The following DENND4A variants were observed in gnomAD, a reference collection of about 807,000 sequenced individuals.
DENND4A encodes the protein DENN domain containing 4A, also known as C-myc promoter-binding protein.
Under a neutral mutation model 199.3 loss-of-function variants are expected in DENND4A, and 70 were observed. That is an observed-to-expected ratio of 0.35 (90% CI 0.29 to 0.43). The LOEUF (loss-of-function observed/expected upper bound fraction) is 0.43, where lower values mean the gene tolerates loss of function less well. DENND4A is among the 20% of genes least tolerant of loss of function. DENND4A has a pLI of 1.00. For synonymous variants in DENND4A, 686 were observed against 766.9 expected (o/e 0.89, Z 1.74); for missense variants, 1,723 against 2,255.8 (o/e 0.76, Z 4.78).
At position 65,756,290 on chromosome 15, in the gene DENND4A, G is replaced by A. The variant is rs1467015475; in HGVS notation, c.161C>T (p.Ser54Phe). Residue 54 changes from serine to phenylalanine, a missense_variant, in exon 3 of 33, where the codon TCT (serine) becomes TTT (phenylalanine). By Grantham distance (155) the Ser-to-Phe change is radical (BLOSUM62 -2). This residue lies in a region of DENND4A where 725 missense variants were observed against 952.9 expected (regional missense o/e 0.76). Transcript: ENST00000443035. The part of the protein sequence containing the change: ...PITDVSVIIK[S>F]LGEEVPQDYI... ...ATCCTGTGGGACTTCCTCCCCAAGA[G>A]ATTTGATAATAACTGAAACATCTGT... is the stretch of plus-strand genomic sequence containing the variant. The A allele has an allele frequency of 6.2e-7, 1 of 1,613,354 alleles. No homozygotes were observed. Among genetic ancestry groups the A allele is most frequent in the Non-Finnish European group, 8.5e-7 (1 of 1,179,662 alleles).
At chr15:65,701,262 T>A in intron 18 of DENND4A, 70 bp from the exon 19 acceptor site, 1 of 1,306,104 alleles carries the variant, frequency 7.7e-7, no homozygotes, top group Non-Finnish European at 1.0e-6. Flanking sequence ...GGTTTCAGAA[T>A]TAAGCTAAAG....
intron 1 of DENND4A, among the ~76,000 whole-genome samples, chr15:65,774,395 CAGG>C (rs545078623): frequency 9.8e-4 from 150 of 152,344 alleles, no homozygotes; most frequent in African/African-American, 3.5e-3. Flanking sequence ...AAGGCTGAGG[CAGG>C]AGAATAGCTT....
chr15:65,778,220 T>C (rs1410008022), intron 1 of DENND4A, among the ~76,000 whole-genome samples: 1 of 152,092 alleles, frequency 6.6e-6, no homozygotes, highest in African/African-American at 2.4e-5. Flanking sequence ...TAATAGGGAA[T>C]TTCTTAGACT....
chr15:65,756,976 G>A (rs1663395161), intron 2 of DENND4A, among the ~76,000 whole-genome samples: 1 of 152,192 alleles, frequency 6.6e-6, no homozygotes, highest in African/African-American at 2.4e-5. Context: ...AGCTGAGGTT[G>A]CAGTGAGCCG....
intron 25 of DENND4A, 87 bp downstream of exon 25, chr15:65,671,705 T>C (rs926157402): frequency 7.1e-6 from 7 of 981,752 alleles, no homozygotes; most frequent in African/African-American, 3.2e-5. Context: ...ATTTAACTTC[T>C]ATTACTCTAC....
chr15:65,768,695 C>T (rs1207432808), intron 1 of DENND4A, among the ~76,000 whole-genome samples: 1 of 151,892 alleles, frequency 6.6e-6, no homozygotes, highest in Admixed American at 6.6e-5. Context: ...TAAGAATACA[C>T]AATTTTGCCA....
At chr15:65,753,435 T>C (rs2076617534) in intron 3 of DENND4A, among the ~76,000 whole-genome samples, 1 of 152,180 alleles carries the variant, frequency 6.6e-6, no homozygotes, top group South Asian at 2.1e-4. Context: ...CTCAGCTCAC[T>C]GCAACCTCTG....
At chr15:65,772,552 C>G (rs946646013) in intron 1 of DENND4A, among the ~76,000 whole-genome samples, 2 of 151,222 alleles carry the variant, frequency 1.3e-5, no homozygotes, top group Non-Finnish European at 3.0e-5. Context: ...ACTAAAAATA[C>G]AAAAATTAGC....
chr15:65,707,019 C>A (rs1206626122), intron 14 of DENND4A, among the ~76,000 whole-genome samples: 1 of 152,022 alleles, frequency 6.6e-6, no homozygotes, highest in Non-Finnish European at 1.5e-5. Context: ...ACATGTGTGT[C>A]TGTGTGATAA....
In DENND4A at chr15:65,715,574, C is replaced by A. The variant is rs1379390363; in HGVS notation, c.1857G>T (p.Met619Ile). The A allele has an allele frequency of 1.3e-6, 2 of 1,598,750 alleles. No individual in the cohort carries two copies. Among genetic ancestry groups the A allele is most frequent in the South Asian group, 1.1e-5 (1 of 88,046 alleles). The change falls in exon 14 of 33, where the codon ATG (methionine) becomes ATT (isoleucine). Residue 619 changes from methionine to isoleucine, a missense_variant. Transcript: ENST00000443035. ...DRSHQKFYNM[M>I]TKTQMFIRFI... The stretch of plus-strand genomic sequence containing the variant: ...AGCGAATAAACATTTGTGTTTTGGT[C>A]ATCATGTTATAGAATTTTTGATGTG...
In DENND4A at chr15:65,690,481, T is replaced by C. The variant is rs1596447367; in HGVS notation, c.4113A>G (p.Gly1371=). The change falls in exon 23 of 33, where the codon GGA becomes GGG. Residue 1371 remains glycine (G), a synonymous_variant. Coordinates refer to ENST00000443035, the MANE Select transcript of DENND4A (RefSeq NM_001320835.1). ...TGCTTGCTTTCTCTGCAACTCCTTT[T>C]CCAGCAGTGAACATACTGTTTCTTA... ...DVLRNSMFTA[G]KGVAEKASKW... is the part of the protein sequence containing the mutation. 6.2e-7 allele frequency: 1 copy of C among 1,610,610 alleles called. No individual in the cohort carries two copies. Among genetic ancestry groups the C allele is most frequent in the Non-Finnish European group, 8.5e-7 (1 of 1,178,450 alleles).
At chr15:65,737,971 A>G in intron 6 of DENND4A, 26 bp from the exon 7 acceptor site, 1 of 1,540,574 alleles carries the variant, frequency 6.5e-7, no homozygotes, top group Admixed American at 2.0e-5. Context: ...TATATCCAGT[A>G]AATATACTTT....
intron 13 of DENND4A, among the ~76,000 whole-genome samples, chr15:65,716,301 T>G (rs2075398096): frequency 6.6e-6 from 1 of 151,848 alleles, no homozygotes; most frequent in Admixed American, 6.6e-5. Context: ...ATGTGCAGGT[T>G]TGTTACATAT....
At chr15:65,776,785 C>A (rs1032869920) in intron 1 of DENND4A, among the ~76,000 whole-genome samples, 1 of 152,148 alleles carries the variant, frequency 6.6e-6, no homozygotes, top group African/African-American at 2.4e-5. Flanking sequence ...TGTCCATCCA[C>A]GTGCAGTGGT....
Position 65,691,421 on chromosome 15 carries a change from T to C in DENND4A, c.3173A>G (p.Lys1058Arg), listed in dbSNP as rs925861675. 6.2e-7 allele frequency: 1 copy of C among 1,613,576 alleles called. No homozygotes were observed. The highest frequency in any genetic ancestry group is 8.5e-7 in the Non-Finnish European group (1 of 1,179,708). ...CTGCAAATTAGTTTCATTGTCACTT[T>C]TATGTCTTTTCCTGAAGCATCTACT... is the stretch of plus-strand genomic sequence containing the variant. The part of the protein sequence containing the change: ...IQSRCFRKRH[K>R]SDNETNLQQQ... The change falls in exon 23 of 33, where the codon AAA becomes AGA. Residue 1058 changes from lysine (K) to arginine (R), a missense_variant. Physicochemically the swap from Lys to Arg is conservative, Grantham distance 26. Transcript: ENST00000443035.
At chr15:65,739,861 A>G (rs141472528) in intron 5 of DENND4A, among the ~76,000 whole-genome samples, 102 of 152,272 alleles carry the variant, frequency 6.7e-4, no homozygotes, top group Admixed American at 3.1e-3. Flanking sequence ...GGTAATTAAT[A>G]AAGTCATAAA....
chr15:65,738,184 TA>T (rs1349123024), intron 6 of DENND4A, among the ~76,000 whole-genome samples: 7 of 152,162 alleles, frequency 4.6e-5, no homozygotes, highest in Non-Finnish European at 1.0e-4. Flanking sequence ...ATTTGTTTTA[TA>T]AAGAGTGGAA....
At chr15:65,775,177 CTA>C (rs2077249284) in intron 1 of DENND4A, among the ~76,000 whole-genome samples, 1 of 151,626 alleles carries the variant, frequency 6.6e-6, no homozygotes, top group Non-Finnish European at 1.5e-5. Flanking sequence ...GACCCCATCT[CTA>C]CAAAAAAATT....
At chr15:65,768,254 T>C (rs557852955) in intron 1 of DENND4A, among the ~76,000 whole-genome samples, 1 of 152,166 alleles carries the variant, frequency 6.6e-6, no homozygotes, top group African/African-American at 2.4e-5. Context: ...TGGGCTCAAG[T>C]GATCTGCCCG....
Sources: allele counts gnomAD v4.1 joint callset (sites outside exome capture counted in the v4.1 genomes callset), GRCh38; gene constraint gnomAD v4.1.1; regional missense constraint gnomAD v4.1.1; transcripts MANE v1.5; gene names NCBI Gene and HGNC (gene_info 2026-07-23, HGNC 2026-07-21).